Variants in TOR4A observed in about 807,000 individuals in gnomAD.
TOR4A encodes torsin family 4 member A, also known as torsin-4A.
In TOR4A, 12 loss-of-function variants were observed where a neutral mutation model predicts 11.5. The ratio of observed to expected loss-of-function variants is 1.04; its 90% confidence interval spans 0.67 to 1.69. TOR4A has a LOEUF of 1.69. TOR4A is among the 40% of genes most tolerant of loss of function. TOR4A has a pLI of 0.00. For missense variants in TOR4A, 640 were observed against 643.2 expected, an observed-to-expected ratio of 0.99 and a Z score of 0.05; for synonymous variants, 362 against 307.4, an observed-to-expected ratio of 1.18 and a Z score of -1.86.
Position 137,278,711 on chromosome 9 carries a change from C to T in TOR4A, c.22C>T (p.Leu8=). MDRGQPS[L]EPAAAAPRAS... ...CGACATGGACCGCGGCCAGCCCAGC[C>T]TGGAGCCTGCTGCCGCGGCCCCCCG... The change falls in exon 2 of 2, where the codon CTG becomes TTG. Residue 8 remains leucine, a synonymous_variant. Coordinates refer to ENST00000357503, the MANE Select transcript of TOR4A (RefSeq NM_017723.3). 2 of 1,375,440 alleles carry T rather than the reference C, an allele frequency of 1.5e-6. No homozygotes were observed. The highest frequency in any genetic ancestry group is 3.3e-5 in the South Asian group (2 of 59,832). 85.2% of individuals were successfully genotyped at this position (1,375,440 alleles called of 1,614,324 possible).
At position 137,279,036 on chromosome 9, in the gene TOR4A, G is replaced by C. The variant is rs780648944; in HGVS notation, c.347G>C (p.Arg116Thr). 17 of 1,604,790 alleles carry C rather than the reference G, an allele frequency of 1.1e-5. No homozygotes were observed. Among genetic ancestry groups the C allele is most frequent in the African/African-American group, 1.3e-5 (1 of 74,756 alleles). Residue 116 changes from arginine (R) to threonine (T), a missense_variant, in exon 2 of 2, where the codon AGG (arginine) becomes ACG (threonine). Coordinates refer to ENST00000357503, the MANE Select transcript of TOR4A (RefSeq NM_017723.3). ...SRKYRPRVEH[R>T]SRAQRCLLLL... ...AAGTATCGGCCGCGCGTGGAGCACA[G>C]GAGCCGCGCGCAGCGCTGCCTTCTG...
In TOR4A at chr9:137,278,641, T is replaced by C; in HGVS notation, c.-37-12T>C. The C allele has an allele frequency of 7.9e-7, 1 of 1,272,680 alleles. No homozygotes were observed. Among genetic ancestry groups the C allele is most frequent in the Non-Finnish European group, 9.9e-7 (1 of 1,007,308 alleles). The allele number at this position is 1,272,680 out of a possible 1,614,324, so 78.8% of individuals were successfully genotyped here. A position where few individuals can be genotyped will look rare whatever the true frequency, so the allele number is the denominator to read the frequency against. ...CGGGAGTCCAGAGACCCTCCCCGTC[T>C]TCCCGTTGCAGGGAGGGCGACCTGT... is the stretch of plus-strand genomic sequence containing the variant. On this transcript the variant is annotated splice_polypyrimidine_tract_variant and intron_variant, in intron 1 of 1. Transcript: ENST00000357503.
chr9:137,280,798 C>T lies in TOR4A; in HGVS notation c.*837C>T, dbSNP rs1830708421. ...CTCTGCGCAGAGCGCCCTCCCCACG[C>T]CAGTCGACCCCACACCCCACACTCC... On this transcript the variant is annotated 3_prime_UTR_variant, in exon 2 of 2. Transcript: ENST00000357503. 1 of 167,164 alleles carries T rather than the reference C, an allele frequency of 6.0e-6. No homozygotes were observed. The highest frequency in any genetic ancestry group is 1.5e-5 in the Non-Finnish European group (1 of 68,230). 10.4% of individuals were successfully genotyped at this position (167,164 alleles called of 1,614,324 possible). A position where few individuals can be genotyped will look rare whatever the true frequency, so the allele number is the denominator to read the frequency against.
rs1830679574 is a variant in TOR4A at position 137,279,014 on chromosome 9, T to C, written c.325T>C (p.Tyr109His). ...GCTTTACCCGGAGACCTCGCGCAAGTATCGGCCGCGCGTGGAGCACAGGAG... is the reference window on the plus strand; with the variant it reads ...GCTTTACCCGGAGACCTCGCGCAAGCATCGGCCGCGCGTGGAGCACAGGAG... ...LVLYPETSRKYRPRVEHRSRA... is the reference protein window; with the variant it reads ...LVLYPETSRKHRPRVEHRSRA... The change falls in exon 2 of 2, where the codon TAT becomes CAT. Residue 109 changes from tyrosine to histidine, a missense_variant. Coordinates refer to ENST00000357503, the MANE Select transcript of TOR4A (RefSeq NM_017723.3). 6.2e-7 allele frequency: 1 copy of C among 1,605,516 alleles called. No individual in the cohort carries two copies. Among genetic ancestry groups the C allele is most frequent in the Non-Finnish European group, 8.5e-7 (1 of 1,176,936 alleles).
chr9:137,278,712 T>C lies in TOR4A; in HGVS notation c.23T>C (p.Leu8Pro). MDRGQPS[L>P]EPAAAAPRAS... ...GACATGGACCGCGGCCAGCCCAGCC[T>C]GGAGCCTGCTGCCGCGGCCCCCCGA... The change falls in exon 2 of 2, where the codon CTG becomes CCG. Residue 8 changes from leucine to proline, a missense_variant. Physicochemically the swap from Leu to Pro is moderately conservative, Grantham distance 98. Transcript: ENST00000357503. 1 of 1,375,088 alleles carries C rather than the reference T, an allele frequency of 7.3e-7. No homozygotes were observed. Among genetic ancestry groups the C allele is most frequent in the Non-Finnish European group, 9.3e-7 (1 of 1,071,324 alleles). 85.2% of individuals were successfully genotyped at this position (1,375,088 alleles called of 1,614,324 possible).
At chr9:137,278,508 C>T (rs906882550) in intron 1 of TOR4A, 145 bp from the exon 2 acceptor site, 2 of 475,730 alleles carry the variant, frequency 4.2e-6, no homozygotes, top group Non-Finnish European at 3.3e-6. Context: ...GGCGAGGCCG[C>T]GACCAGGCCC....
In TOR4A at chr9:137,278,877, GC is replaced by G; in HGVS notation, c.193del (p.Arg65GlyfsTer62). ...VGTGAPRPGCSPRAPRADLDQ... is the reference protein window; with the variant it reads ...VGTGAPRPGCXPRAPRADLDQ... Reference sequence around the variant, plus strand: ...ACCGGGGCGCCCAGGCCGGGCTGCAGCCCCCGGGCACCGCGCGCGGACCTGG... The same window carrying G: ...ACCGGGGCGCCCAGGCCGGGCTGCAGCCCCGGGCACCGCGCGCGGACCTGG... On this transcript the variant is annotated frameshift_variant, in exon 2 of 2. Coordinates refer to ENST00000357503, the MANE Select transcript of TOR4A (RefSeq NM_017723.3). LOFTEE classifies it high-confidence loss of function. The G allele has an allele frequency of 6.5e-7, 1 of 1,539,404 alleles. No individual in the cohort carries two copies.
In TOR4A at chr9:137,282,211, T is replaced by C. The variant is rs574118010; in HGVS notation, c.*2250T>C. ...TATCTCTTTCTTTCTTTCTTTCTTTTTTTTTTGACACAGAGTTTTGCTCTT... is the reference window on the plus strand; with the variant it reads ...TATCTCTTTCTTTCTTTCTTTCTTTCTTTTTTGACACAGAGTTTTGCTCTT... On this transcript the variant is annotated 3_prime_UTR_variant, in exon 2 of 2. Coordinates refer to ENST00000357503, the MANE Select transcript of TOR4A (RefSeq NM_017723.3). 106 of 166,872 alleles carry C rather than the reference T, an allele frequency of 6.4e-4. No homozygotes were observed. The highest frequency in any genetic ancestry group is 1.4e-3 in the African/African-American group (56 of 41,476). The allele number at this position is 166,872 out of a possible 1,614,324, so 10.3% of individuals were successfully genotyped here.
chr9:137,278,265 C>T (rs922878968), intron 1 of TOR4A, among the ~76,000 whole-genome samples: 4 of 152,168 alleles, frequency 2.6e-5, no homozygotes, highest in Non-Finnish European at 4.4e-5. Flanking sequence ...CCAGTGGGAG[C>T]CGCGGGCGGG....
rs775032381 is a variant in TOR4A at position 137,279,649 on chromosome 9, C to T, written c.960C>T (p.Pro320=). 1.7e-5 allele frequency: 27 copies of T among 1,562,834 alleles called. No individual in the cohort carries two copies. Among genetic ancestry groups the T allele is most frequent in the African/African-American group, 1.5e-4 (11 of 74,068 alleles). Residue 320 remains proline (P), a synonymous_variant, in exon 2 of 2, where the codon CCC becomes CCT. Transcript: ENST00000357503. The part of the protein sequence containing the change: ...FVLQNASRAL[P]LRPDGFRSAE... ...TGCAGAACGCGTCCCGCGCGCTGCC[C>T]CTGCGCCCCGACGGCTTCCGCAGTG...
chr9:137,279,869 C>T lies in TOR4A; in HGVS notation c.1180C>T (p.Leu394=). Residue 394 remains leucine, a synonymous_variant, in exon 2 of 2, where the codon CTG becomes TTG. Transcript: ENST00000357503. ...TCCTGACCAGGCCCGCGCGGAGAACCTGGCCGCGCAGCTCAGCTTCTACCG... is the reference window on the plus strand; with the variant it reads ...TCCTGACCAGGCCCGCGCGGAGAACTTGGCCGCGCAGCTCAGCTTCTACCG... ...FFPDQARAEN[L]AAQLSFYRVA... 1 of 1,585,058 alleles carries T rather than the reference C, an allele frequency of 6.3e-7. No homozygotes were observed. The highest frequency in any genetic ancestry group is 8.6e-7 in the Non-Finnish European group (1 of 1,169,122).
Position 137,279,987 on chromosome 9 carries a change from G to T in TOR4A, c.*26G>T. The stretch of plus-strand genomic sequence containing the variant: ...TGGAGGCGCAGGACGGGACGTTTGG[G>T]TTGATGGCGGCAGTAGGAGGGCGAC... On this transcript the variant is annotated 3_prime_UTR_variant, in exon 2 of 2. Coordinates refer to ENST00000357503, the MANE Select transcript of TOR4A (RefSeq NM_017723.3). 4.5e-6 allele frequency: 7 copies of T among 1,539,508 alleles called. No individual in the cohort carries two copies. The highest frequency in any genetic ancestry group is 1.2e-5 in the South Asian group (1 of 83,380).
At chr9:137,278,049 C>CT (rs1830665307) in intron 1 of TOR4A, 142 bp downstream of exon 1, 1 of 152,588 alleles carries the variant, frequency 6.6e-6, no homozygotes, top group Non-Finnish European at 1.5e-5. Flanking sequence ...AGCTCGTTCA[C>CT]TGGAGGGGTG....
rs1830685302 is a variant in TOR4A at position 137,279,292 on chromosome 9, C to T, written c.603C>T (p.Ser201=). The change falls in exon 2 of 2, where the codon AGC becomes AGT. Residue 201 remains serine, a synonymous_variant. Transcript: ENST00000357503. ...ACGGGCCCAGTGGCGTGGGCAAGAG[C>T]CACGTGGGCCGCCTGCTGGCGCGCC... ...ALHGPSGVGK[S]HVGRLLARHF... 2 of 1,534,794 alleles carry T rather than the reference C, an allele frequency of 1.3e-6. No individual in the cohort carries two copies. Among genetic ancestry groups the T allele is most frequent in the Admixed American group, 3.9e-5 (2 of 50,884 alleles).
At position 137,281,426 on chromosome 9, in the gene TOR4A, G is replaced by A. The variant is rs1830717477; in HGVS notation, c.*1465G>A. The A allele has an allele frequency of 6.3e-6, 1 of 158,672 alleles. No individual in the cohort carries two copies. Among genetic ancestry groups the A allele is most frequent in the African/African-American group, 2.4e-5 (1 of 41,466 alleles). 9.8% of individuals were successfully genotyped at this position (158,672 alleles called of 1,614,324 possible). On this transcript the variant is annotated 3_prime_UTR_variant, in exon 2 of 2. Transcript: ENST00000357503. ...GGCCCCGCTAGTTCCCTGAGCAGAG[G>A]TCCTGCGGCTTCCCGGAGGGTGTCC...
intron 1 of TOR4A, 102 bp from the exon 2 acceptor site, chr9:137,278,551 G>A (rs950725980): frequency 2.3e-5 from 20 of 855,458 alleles, no homozygotes; most frequent in Non-Finnish European, 2.8e-5. Flanking sequence ...CGCACCCCAC[G>A]GGACTCCCAG....
rs900869224 is a variant in TOR4A at position 137,282,406 on chromosome 9, T to C, written c.*2445T>C. ...TTGGTAGAGACGGTGATTCACTATG[T>C]TGGCCAGGCTAGTCACGAACTCCTG... is the stretch of plus-strand genomic sequence containing the variant. On this transcript the variant is annotated 3_prime_UTR_variant, in exon 2 of 2. Coordinates refer to ENST00000357503, the MANE Select transcript of TOR4A (RefSeq NM_017723.3). 1 of 157,960 alleles carries C rather than the reference T, an allele frequency of 6.3e-6. No individual in the cohort carries two copies. Among genetic ancestry groups the C allele is most frequent in the African/African-American group, 2.4e-5 (1 of 41,440 alleles). 9.8% of individuals were successfully genotyped at this position (157,960 alleles called of 1,614,324 possible). A position where few individuals can be genotyped will look rare whatever the true frequency, so the allele number is the denominator to read the frequency against.
rs1471372424 is a variant in TOR4A, at chr9:137,279,026, G to A, written c.337G>A (p.Val113Met). Residue 113 changes from valine (V) to methionine (M), a missense_variant, in exon 2 of 2, where the codon GTG (valine) becomes ATG (methionine). Transcript: ENST00000357503. Reference protein sequence around the residue: ...PETSRKYRPRVEHRSRAQRCL... With the variant: ...PETSRKYRPRMEHRSRAQRCL... Reference sequence around the variant, plus strand: ...GACCTCGCGCAAGTATCGGCCGCGCGTGGAGCACAGGAGCCGCGCGCAGCG... The same window carrying A: ...GACCTCGCGCAAGTATCGGCCGCGCATGGAGCACAGGAGCCGCGCGCAGCG... The A allele has an allele frequency of 1.9e-6, 3 of 1,604,944 alleles. No individual in the cohort carries two copies. The highest frequency in any genetic ancestry group is 2.3e-5 in the East Asian group (1 of 44,380).
Position 137,279,569 on chromosome 9 carries a change from G to A in TOR4A, c.880G>A (p.Ala294Thr). The change falls in exon 2 of 2, where the codon GCC (alanine) becomes ACC (threonine). Residue 294 changes from alanine to threonine, a missense_variant. Physicochemically the swap from Ala to Thr is moderately conservative, Grantham distance 58. Coordinates refer to ENST00000357503, the MANE Select transcript of TOR4A (RefSeq NM_017723.3). ...QPQRSHHFHN[A>T]IYVLLSGAGG... ...GCAGCGCTCCCACCACTTCCACAACGCCATCTACGTGCTCCTCAGTGGCGC... is the reference window on the plus strand; with the variant it reads ...GCAGCGCTCCCACCACTTCCACAACACCATCTACGTGCTCCTCAGTGGCGC... 2 of 1,581,460 alleles carry A rather than the reference G, an allele frequency of 1.3e-6. No individual in the cohort carries two copies. The highest frequency in any genetic ancestry group is 1.7e-5 in the Admixed American group (1 of 58,262).
Sources: gnomAD v4.1 joint callset for allele counts (sites outside exome capture counted in the v4.1 genomes callset) on GRCh38, gnomAD v4.1.1 for gene constraint, MANE v1.5 for transcripts, NCBI Gene and HGNC (gene_info 2026-07-23, HGNC 2026-07-21) for gene names.